DEPTOR: variants seen among roughly 807,000 people sequenced by gnomAD.
The protein encoded by DEPTOR is DEP domain-containing mTOR-interacting protein.
Under a neutral mutation model 41.6 loss-of-function variants are expected in DEPTOR, and 41 were observed. The observed-to-expected ratio is 0.98, with a 90% CI of 0.77 to 1.28. The LOEUF is 1.28. DEPTOR is among the 50% of genes most tolerant of loss of function. The pLI is 0.00. For missense variants in DEPTOR, 514 were observed against 527.9 expected (o/e 0.97, Z 0.26); for synonymous variants, 195 against 192.3 (o/e 1.01, Z -0.12).
intron 3 of DEPTOR, among the ~76,000 whole-genome samples, chr8:119,937,260 C>T (rs1431713556): frequency 6.6e-6 from 1 of 151,758 alleles, no homozygotes. Context: ...ATTAGCCAGG[C>T]GTGGTGATGG....
At chr8:119,980,515 C>CTTT (rs1828752225) in intron 4 of DEPTOR, among the ~76,000 whole-genome samples, 92 of 41,388 alleles carry the variant, frequency 2.2e-3, no homozygotes, top group African/African-American at 5.7e-3. Flanking sequence ...TTTCTTTTCT[C>CTTT]TCTTTGTGTT....
At chr8:119,911,045 G>A (rs10217083) in intron 1 of DEPTOR, among the ~76,000 whole-genome samples, 75,570 of 151,778 alleles carry the variant, frequency 0.5, 20,504 homozygotes, top group East Asian at 0.92. Context: ...TTTCAACACA[G>A]CAGAGCTGCC....
At chr8:120,015,606 A>G (rs930678951) in intron 8 of DEPTOR, among the ~76,000 whole-genome samples, 1 of 152,284 alleles carries the variant, frequency 6.6e-6, no homozygotes, top group Non-Finnish European at 1.5e-5. Flanking sequence ...AAAAAACGAC[A>G]TGGACACACG....
chr8:119,962,487 G>C (rs1053205243), intron 3 of DEPTOR, among the ~76,000 whole-genome samples: 1 of 152,020 alleles, frequency 6.6e-6, no homozygotes, highest in African/African-American at 2.4e-5. Flanking sequence ...TCTAGCCATG[G>C]GGATGGCAAA....
intron 1 of DEPTOR, among the ~76,000 whole-genome samples, chr8:119,900,338 G>A (rs76994873): frequency 0.58 from 39,619 of 68,420 alleles, 10,256 homozygotes; most frequent in East Asian, 0.86. Flanking sequence ...AAAAAAAAAA[G>A]AAAAAAAAAA....
At chr8:120,036,276 G>T (rs1481439745) in intron 8 of DEPTOR, among the ~76,000 whole-genome samples, 3 of 152,202 alleles carry the variant, frequency 2.0e-5, no homozygotes, top group Non-Finnish European at 2.9e-5. Flanking sequence ...GCTACTTATT[G>T]TTGTTGTCTT....
chr8:119,916,528 T>C (rs1457571190), intron 1 of DEPTOR, among the ~76,000 whole-genome samples: 2 of 152,188 alleles, frequency 1.3e-5, no homozygotes, highest in Non-Finnish European at 2.9e-5. Flanking sequence ...AAGTTAAGCT[T>C]TTAAAGAATT....
Position 119,928,524 on chromosome 8 carries a change from G to A in DEPTOR, c.247G>A (p.Glu83Lys). 6.2e-7 allele frequency: 1 copy of A among 1,614,198 alleles called. No homozygotes were observed. The highest frequency in any genetic ancestry group is 8.5e-7 in the Non-Finnish European group (1 of 1,180,016). Residue 83 changes from glutamate to lysine, a missense_variant, in exon 2 of 9, where the codon GAG (glutamate) becomes AAG (lysine). Transcript: ENST00000286234. ...LIEHKEASDR[E>K]TAIKLMQKLA... ...TGAACACAAAGAGGCTTCTGACAGA[G>A]AGACGGCAATTAAACTCATGCAGAA...
chr8:119,912,151 T>C (rs948102524), intron 1 of DEPTOR, among the ~76,000 whole-genome samples: 4 of 151,896 alleles, frequency 2.6e-5, no homozygotes, highest in Admixed American at 6.6e-5. Flanking sequence ...GGTGGATAAA[T>C]AGGAAAAGAG....
At chr8:120,004,910 A>T (rs1454105362) in intron 6 of DEPTOR, among the ~76,000 whole-genome samples, 1 of 151,788 alleles carries the variant, frequency 6.6e-6, no homozygotes, top group Non-Finnish European at 1.5e-5. Flanking sequence ...ATACACCAGG[A>T]TATGTTTTTT....
At chr8:119,935,246 A>ATT (rs2129873095) in intron 3 of DEPTOR, among the ~76,000 whole-genome samples, 1 of 152,340 alleles carries the variant, frequency 6.6e-6, no homozygotes, top group African/African-American at 2.4e-5. Context: ...ACACATGAAC[A>ATT]TAAGTCACAT....
chr8:119,988,810 A>C (rs1828862153), intron 4 of DEPTOR, among the ~76,000 whole-genome samples: 1 of 152,042 alleles, frequency 6.6e-6, no homozygotes, highest in Non-Finnish European at 1.5e-5. Context: ...ATGTTGTTTC[A>C]TTGTTCCTCC....
At chr8:119,890,253 C>CA (rs1189262225) in intron 1 of DEPTOR, among the ~76,000 whole-genome samples, 1 of 151,130 alleles carries the variant, frequency 6.6e-6, no homozygotes, top group African/African-American at 2.4e-5. Context: ...TCACGCCTGG[C>CA]AAGGTGTCCA....
intron 1 of DEPTOR, among the ~76,000 whole-genome samples, chr8:119,898,795 G>T (rs1006409688): frequency 6.6e-6 from 1 of 151,872 alleles, no homozygotes; most frequent in Non-Finnish European, 1.5e-5. Context: ...TTGATCAAGG[G>T]TAAATACTTC....
rs1586627847 is a variant in DEPTOR at position 119,947,600 on chromosome 8, T to G, written c.426-17632T>G. 2.6e-5 allele frequency among the ~76,000 whole-genome samples: 4 copies of G among 152,222 alleles called. No homozygotes were observed. In the South Asian group the frequency reaches 8.3e-4, roughly 31 times the overall value. On this transcript the variant is annotated intron_variant, in intron 3 of 8. Transcript: ENST00000286234. ...GTTCCCAGCTTTCAAGAGGTTTGTT[T>G]ACTTTGCTTCCTCCTGATCTTCCAA... is the stretch of plus-strand genomic sequence containing the variant.
intron 3 of DEPTOR, among the ~76,000 whole-genome samples, chr8:119,951,348 T>C (rs1828351284): frequency 6.6e-6 from 1 of 152,174 alleles, no homozygotes; most frequent in Non-Finnish European, 1.5e-5. Flanking sequence ...GAATTGAGGG[T>C]ACAAGCACTT....
chr8:120,035,024 T>A (rs1586668166), intron 8 of DEPTOR, among the ~76,000 whole-genome samples: 1 of 49,524 alleles, frequency 2.0e-5, no homozygotes, highest in African/African-American at 1.4e-4. Context: ...GTGTTAAGAC[T>A]CTGTGTCTCT....
At chr8:119,923,878 T>C (rs900209339) in intron 1 of DEPTOR, among the ~76,000 whole-genome samples, 3 of 118,426 alleles carry the variant, frequency 2.5e-5, no homozygotes, top group African/African-American at 1.1e-4. Flanking sequence ...TTTTCCTTTC[T>C]TTTCTTTTTT....
intron 4 of DEPTOR, among the ~76,000 whole-genome samples, chr8:119,974,883 G>GC (rs34253123): frequency 0.74 from 112,869 of 151,932 alleles, 42,068 homozygotes; most frequent in Middle Eastern, 0.86. Flanking sequence ...GTCAGAAAAA[G>GC]ACCTTATACA....
Sources: gnomAD v4.1 joint callset for allele counts (sites outside exome capture counted in the v4.1 genomes callset) on GRCh38, gnomAD v4.1.1 for gene constraint, MANE v1.5 for transcripts, NCBI Gene and HGNC (gene_info 2026-07-23, HGNC 2026-07-21) for gene names.